WWP1: variants seen among roughly 807,000 people sequenced by gnomAD.
WWP1 encodes the protein WW domain containing E3 ubiquitin protein ligase 1, also known as NEDD4-like E3 ubiquitin-protein ligase WWP1.
In WWP1, 49 loss-of-function variants were observed where a neutral mutation model predicts 130.6. That is an observed-to-expected ratio of 0.38 (90% CI 0.30 to 0.48). WWP1 has a LOEUF of 0.48. WWP1 is among the 20% of genes least tolerant of loss of function. The pLI is 0.99. For synonymous variants in WWP1, 332 were observed against 367.8 expected (o/e 0.90, Z 1.11); for missense variants, 809 against 1,100.6 (o/e 0.74, Z 3.75).
At chr8:86,367,087 C>A (rs1383131969) in intron 1 of WWP1, among the ~76,000 whole-genome samples, 1 of 152,166 alleles carries the variant, frequency 6.6e-6, no homozygotes, top group Non-Finnish European at 1.5e-5. Context: ...GCTTTCTAAC[C>A]TTTTAGGTTC....
chr8:86,449,420 G>A (rs1434151413), intron 20 of WWP1, among the ~76,000 whole-genome samples: 1 of 152,258 alleles, frequency 6.6e-6, no homozygotes, highest in African/African-American at 2.4e-5. Context: ...TATAGACAGT[G>A]TATAAATAGA....
intron 1 of WWP1, among the ~76,000 whole-genome samples, chr8:86,347,208 GA>G (rs1563453244): frequency 6.6e-6 from 1 of 151,840 alleles, no homozygotes; most frequent in African/African-American, 2.4e-5. Context: ...GGCTGGCCTC[GA>G]ACTCCTGGAC....
intron 14 of WWP1, among the ~76,000 whole-genome samples, chr8:86,434,093 T>C (rs1810149942): frequency 2.0e-5 from 3 of 152,178 alleles, no homozygotes; most frequent in Admixed American, 6.5e-5. Context: ...TTGCCTGGCT[T>C]GGTAGCAGAG....
At chr8:86,380,984 CAATTT>C (rs1824950993) in intron 4 of WWP1, 120 bp downstream of exon 4, 2 of 1,224,310 alleles carry the variant, frequency 1.6e-6, no homozygotes, top group Non-Finnish European at 1.1e-6. Flanking sequence ...TGTGGATCGA[CAATTT>C]AAAGTATGGA....
chr8:86,413,683 G>A (rs1808713468), intron 9 of WWP1, among the ~76,000 whole-genome samples: 1 of 152,138 alleles, frequency 6.6e-6, no homozygotes, highest in Non-Finnish European at 1.5e-5. Context: ...CTGAACCCAG[G>A]AATTATTATT....
chr8:86,452,819 T>G (rs945886181), intron 21 of WWP1, 140 bp downstream of exon 21: 1 of 1,093,248 alleles, frequency 9.1e-7, no homozygotes, highest in Non-Finnish European at 1.3e-6. Flanking sequence ...GATGTCAAGG[T>G]GGTATTTATT....
rs762652862 is a variant in WWP1 at position 86,448,505 on chromosome 8, A to G, written c.2265A>G (p.Glu755=). The stretch of plus-strand genomic sequence containing the variant: ...TGGTGACTGAGGAGAACAAAGATGA[A>G]TATATTGGGTAAGGTGATATACCTT... ...NILVTEENKD[E]YIGLMTEWRF... Residue 755 remains glutamate (E), a synonymous_variant, in exon 20 of 25, where the codon GAA becomes GAG. Coordinates refer to ENST00000517970, the MANE Select transcript of WWP1 (RefSeq NM_007013.4). 3 of 1,613,338 alleles carry G rather than the reference A, an allele frequency of 1.9e-6. No homozygotes were observed. In the South Asian group the frequency reaches 3.3e-5, roughly 18 times the overall value.
chr8:86,423,193 G>C lies in WWP1; in HGVS notation c.1062-2030G>C, dbSNP rs188344560. The stretch of plus-strand genomic sequence containing the variant: ...AGATAAATATCAAATGTCAGAAAAA[G>C]GGTAATTTTTATTTTTATTTATTTA... On this transcript the variant is annotated intron_variant, in intron 9 of 24. Coordinates refer to ENST00000517970, the MANE Select transcript of WWP1 (RefSeq NM_007013.4). Among the ~76,000 whole-genome samples the C allele has an allele frequency of 1.1e-3, 163 of 151,262 alleles. 1 individual carries two copies. Among genetic ancestry groups the C allele is most frequent in the African/African-American group, 3.8e-3 (155 of 41,274 alleles).
Position 86,442,582 on chromosome 8 carries a change from T to C in WWP1, c.1839-37T>C, listed in dbSNP as rs1371189659. 3.9e-6 allele frequency: 6 copies of C among 1,541,564 alleles called. No individual in the cohort carries two copies. The South Asian group carries it at 4.8e-5, about 12-fold the overall frequency. On this transcript the variant is annotated intron_variant, in intron 17 of 24. Transcript: ENST00000517970. ...AAGATCTGTTTTTAAATTCACATAT[T>C]AATGCTAAAAAATAACCTTGACTTA... is the stretch of plus-strand genomic sequence containing the variant.
intron 5 of WWP1, among the ~76,000 whole-genome samples, chr8:86,385,202 T>C (rs1217936179): frequency 2.0e-5 from 3 of 152,178 alleles, no homozygotes; most frequent in African/African-American, 4.8e-5. Context: ...GTGTGCTCTA[T>C]ATAGAAAATG....
At chr8:86,449,327 A>G (rs141628633) in intron 20 of WWP1, among the ~76,000 whole-genome samples, 182 of 152,378 alleles carry the variant, frequency 1.2e-3, no homozygotes, top group African/African-American at 3.8e-3. Context: ...TTTTCAGGAA[A>G]GAACCAGGCA....
intron 9 of WWP1, among the ~76,000 whole-genome samples, chr8:86,424,476 C>G (rs1232726543): frequency 6.6e-6 from 1 of 151,844 alleles, no homozygotes; most frequent in African/African-American, 2.4e-5. Context: ...GAGGTTGTAG[C>G]TAGCCGAGAT....
chr8:86,459,986 G>C (rs927115065), intron 22 of WWP1, among the ~76,000 whole-genome samples: 2 of 152,228 alleles, frequency 1.3e-5, no homozygotes, highest in African/African-American at 4.8e-5. Flanking sequence ...GATTAGCACA[G>C]CTATTTTGTC....
chr8:86,422,418 G>A (rs778437062), intron 9 of WWP1, among the ~76,000 whole-genome samples: 6 of 151,092 alleles, frequency 4.0e-5, no homozygotes, highest in South Asian at 2.1e-4. Context: ...GCTGGAGTGC[G>A]GTGCAATCTT....
At chr8:86,373,263 TTTTG>T (rs1824438486) in intron 2 of WWP1, among the ~76,000 whole-genome samples, 1 of 152,164 alleles carries the variant, frequency 6.6e-6, no homozygotes, top group African/African-American at 2.4e-5. Flanking sequence ...AGTGTATTTT[TTTTG>T]TTTGTCACTC....
In WWP1 at chr8:86,438,618, C is replaced by T. The variant is rs746179892; in HGVS notation, c.1783C>T (p.Arg595Cys). 15 of 1,606,574 alleles carry T rather than the reference C, an allele frequency of 9.3e-6. No homozygotes were observed. The highest frequency in any genetic ancestry group is 1.7e-5 in the Admixed American group (1 of 58,302). Reference sequence around the variant, plus strand: ...ATTAAAACCCTATGACTTGAGGAGGCGCTTATATGTAATATTTAGAGGAGA... The same window carrying T: ...ATTAAAACCCTATGACTTGAGGAGGTGCTTATATGTAATATTTAGAGGAGA... ...MALKPYDLRR[R>C]LYVIFRGEEG... The change falls in exon 17 of 25, where the codon CGC becomes TGC. Residue 595 changes from arginine to cysteine, a missense_variant. Arg to Cys is a radical substitution (Grantham distance 180). Coordinates refer to ENST00000517970, the MANE Select transcript of WWP1 (RefSeq NM_007013.4).
At chr8:86,436,115 C>G (rs140778505) in intron 16 of WWP1, among the ~76,000 whole-genome samples, 4 of 152,074 alleles carry the variant, frequency 2.6e-5, no homozygotes, top group African/African-American at 9.7e-5. Context: ...TCACAGCATC[C>G]CTTTGAGATA....
chr8:86,388,970 T>A (rs1296623635), intron 5 of WWP1, among the ~76,000 whole-genome samples: 1 of 152,178 alleles, frequency 6.6e-6, no homozygotes, highest in Non-Finnish European at 1.5e-5. Context: ...TATGTTTGGT[T>A]CAAAGCTTCC....
At chr8:86,413,193 A>G (rs1009186627) in intron 9 of WWP1, among the ~76,000 whole-genome samples, 2 of 152,002 alleles carry the variant, frequency 1.3e-5, no homozygotes, top group African/African-American at 2.4e-5. Flanking sequence ...CTTATTTTCA[A>G]CTACTTTTCC....
Sources: allele counts gnomAD v4.1 joint callset (sites outside exome capture counted in the v4.1 genomes callset), GRCh38; gene constraint gnomAD v4.1.1; transcripts MANE v1.5; gene names NCBI Gene and HGNC (gene_info 2026-07-23, HGNC 2026-07-21).